The following IL34 variants were observed in gnomAD, a reference collection of about 807,000 sequenced individuals.
IL34 encodes interleukin-34.
Under a neutral mutation model 25.3 loss-of-function variants are expected in IL34, and 17 were observed. That is an observed-to-expected ratio of 0.67 (90% CI 0.46 to 1.01). IL34 has a LOEUF of 1.01. Among genes scored for constraint, IL34 ranks in the 50% least tolerant of loss-of-function variants. IL34 has a pLI of 0.00. For synonymous variants in IL34, 174 were observed against 140.9 expected (o/e 1.23, Z -1.66); for missense variants, 368 against 312.9 (o/e 1.18, Z -1.33).
intron 1 of IL34, among the ~76,000 whole-genome samples, chr16:70,653,224 G>C (rs2052124546): frequency 6.6e-6 from 1 of 151,688 alleles, no homozygotes; most frequent in African/African-American, 2.4e-5. Context: ...AAAAGAAAAA[G>C]CTGGGAAGCT....
At position 70,624,233 on chromosome 16, in the gene IL34, C is replaced by T. The variant is rs201148166; in HGVS notation, c.-400-22315C>T. On this transcript the variant is annotated intron_variant, in intron 1 of 6. Transcript: ENST00000429149. Reference sequence around the variant, plus strand: ...TTCCTTGGCCCAGTGGCCAGATTTCCGGCACGTGTAGCAAGCTCCTGGGGA... The same window carrying T: ...TTCCTTGGCCCAGTGGCCAGATTTCTGGCACGTGTAGCAAGCTCCTGGGGA... Among the ~76,000 whole-genome samples the T allele has an allele frequency of 1.4e-4, 22 of 151,980 alleles. 1 individual carries two copies. The highest frequency in any genetic ancestry group is 1.4e-3 in the East Asian group (7 of 5,178).
intron 1 of IL34, among the ~76,000 whole-genome samples, chr16:70,581,556 C>T (rs2050636350): frequency 6.6e-6 from 1 of 152,048 alleles, no homozygotes; most frequent in African/African-American, 2.4e-5. Context: ...ATGAGAATTA[C>T]GGGACTAATT....
chr16:70,658,746 C>T (rs538723303), intron 4 of IL34, among the ~76,000 whole-genome samples: 4 of 152,302 alleles, frequency 2.6e-5, no homozygotes, highest in South Asian at 2.1e-4. Context: ...GCTGGGATTA[C>T]AGGTTGAACC....
At chr16:70,648,205 G>C (rs2051988680) in intron 1 of IL34, among the ~76,000 whole-genome samples, 1 of 152,226 alleles carries the variant, frequency 6.6e-6, no homozygotes, top group Admixed American at 6.5e-5. Context: ...AGGAGTTACT[G>C]CTGTCACCGT....
chr16:70,637,997 G>A (rs767893559), intron 1 of IL34, among the ~76,000 whole-genome samples: 15 of 152,132 alleles, frequency 9.9e-5, no homozygotes, highest in Non-Finnish European at 1.6e-4. Flanking sequence ...GTAAACAGCA[G>A]TGCAATGGAT....
At chr16:70,653,346 CAAAAA>C (rs200626111) in intron 1 of IL34, among the ~76,000 whole-genome samples, 5 of 86,872 alleles carry the variant, frequency 5.8e-5, no homozygotes, top group Non-Finnish European at 1.1e-4. Context: ...AACCCTGTCT[CAAAAA>C]AAAAAAAAAA....
intron 1 of IL34, among the ~76,000 whole-genome samples, chr16:70,623,603 C>T (rs1485954743): frequency 6.6e-6 from 1 of 151,712 alleles, no homozygotes; most frequent in Non-Finnish European, 1.5e-5. Context: ...TGATCAGTCG[C>T]CAAGGAGGGA....
At position 70,656,645 on chromosome 16, in the gene IL34, A is replaced by AG; in HGVS notation, c.211dup (p.Val71GlyfsTer33). On this transcript the variant is annotated frameshift_variant, in exon 3 of 6. Coordinates refer to ENST00000288098, the MANE Select transcript of IL34 (RefSeq NM_001393494.1). LOFTEE classifies it high-confidence loss of function. ...AACTACAAGATCAGTGTGCCTTACG[A>AG]GGGGGTGTTCAGAATCGCCAACGTC... The AG allele has an allele frequency of 3.4e-6, 5 of 1,473,848 alleles. No homozygotes were observed. Among genetic ancestry groups the AG allele is most frequent in the Non-Finnish European group, 4.8e-6 (5 of 1,051,910 alleles). 91.3% of individuals were successfully genotyped at this position (1,473,848 alleles called of 1,614,324 possible). A position where few individuals can be genotyped will look rare whatever the true frequency, so the allele number is the denominator to read the frequency against.
rs931578543 is a variant in IL34, at chr16:70,660,330, T to G, written c.*143T>G. The G allele has an allele frequency of 1.4e-6, 1 of 716,914 alleles. No homozygotes were observed. The highest frequency in any genetic ancestry group is 1.8e-5 in the African/African-American group (1 of 55,418). 44.4% of individuals were successfully genotyped at this position (716,914 alleles called of 1,614,324 possible). Reference sequence around the variant, plus strand: ...AAGGGTGTTTTTCCTTTGAGGGGGATTCTGTGCCACAGCAGGGCTCAGCTT... The same window carrying G: ...AAGGGTGTTTTTCCTTTGAGGGGGAGTCTGTGCCACAGCAGGGCTCAGCTT... On this transcript the variant is annotated 3_prime_UTR_variant, in exon 6 of 6. Coordinates refer to ENST00000288098, the MANE Select transcript of IL34 (RefSeq NM_001393494.1).
chr16:70,601,575 T>C (rs1049269307), intron 1 of IL34, among the ~76,000 whole-genome samples: 12 of 152,144 alleles, frequency 7.9e-5, no homozygotes, highest in African/African-American at 2.7e-4. Flanking sequence ...TTTTTTTGTA[T>C]GTTTAGTAGA....
Position 70,631,064 on chromosome 16 carries a change from T to C in IL34, c.-400-15484T>C, listed in dbSNP as rs537185028. 1.0e-3 allele frequency among the ~76,000 whole-genome samples: 155 copies of C among 152,330 alleles called. 3 individuals carry two copies. The South Asian group carries it at 0.031, about 30-fold the overall frequency. On this transcript the variant is annotated intron_variant, in intron 1 of 6. Coordinates refer to the IL34 transcript ENST00000429149. ...CCTAAACTACATTTTCAATTTGTGGTTGGTTGAAACTGAAGATGCAAAATC... is the reference window on the plus strand; with the variant it reads ...CCTAAACTACATTTTCAATTTGTGGCTGGTTGAAACTGAAGATGCAAAATC...
Position 70,619,860 on chromosome 16 carries a change from G to A in IL34, c.-400-26688G>A, listed in dbSNP as rs947254738. ...CAGTGGGGTCCCACACAGATGGGAC[G>A]CGGCTTAGGAGGAATCCCGGGCTGC... On this transcript the variant is annotated intron_variant, in intron 1 of 6. Transcript: ENST00000429149. Among the ~76,000 whole-genome samples the A allele has an allele frequency of 1.4e-4, 21 of 152,310 alleles. No individual in the cohort carries two copies. The South Asian group carries it at 1.9e-3, about 14-fold the overall frequency.
intron 1 of IL34, among the ~76,000 whole-genome samples, chr16:70,613,425 C>A (rs563232395): frequency 9.2e-5 from 14 of 152,172 alleles, no homozygotes; most frequent in Non-Finnish European, 1.6e-4. Context: ...TGGTCTCCAC[C>A]CTTACTGTAC....
At chr16:70,610,679 T>C (rs1022743099) in intron 1 of IL34, among the ~76,000 whole-genome samples, 2 of 152,176 alleles carry the variant, frequency 1.3e-5, no homozygotes, top group Admixed American at 6.5e-5. Context: ...AAGGCATCTC[T>C]ACGGAGGTGA....
At chr16:70,599,695 G>A (rs796505860) in intron 1 of IL34, among the ~76,000 whole-genome samples, 1 of 144,754 alleles carries the variant, frequency 6.9e-6, no homozygotes, top group Non-Finnish European at 1.5e-5. Flanking sequence ...TTTTTTTGGA[G>A]ACAGGGTCTT....
Position 70,651,907 on chromosome 16 carries a change from C to T in IL34, c.29-2631C>T, listed in dbSNP as rs144807332. 6.6e-5 allele frequency among the ~76,000 whole-genome samples: 10 copies of T among 151,916 alleles called. No homozygotes were observed. The East Asian group carries it at 1.9e-3, about 29-fold the overall frequency. On this transcript the variant is annotated intron_variant, in intron 1 of 5. Coordinates refer to ENST00000288098, the MANE Select transcript of IL34 (RefSeq NM_001393494.1). ...TTGGGAGGCTGAGGTGGGTGGATCA[C>T]GAGGTCAGCAGTTCAAGAGCAGCCT... is the stretch of plus-strand genomic sequence containing the variant.
At chr16:70,590,024 G>A (rs1228413441) in intron 1 of IL34, among the ~76,000 whole-genome samples, 1 of 152,222 alleles carries the variant, frequency 6.6e-6, no homozygotes, top group Non-Finnish European at 1.5e-5. Context: ...TTAGCCTCAG[G>A]TCTGTGGGAA....
chr16:70,610,672 G>C (rs2051077235), intron 1 of IL34, among the ~76,000 whole-genome samples: 1 of 152,230 alleles, frequency 6.6e-6, no homozygotes, highest in African/African-American at 2.4e-5. Flanking sequence ...GCCAGAGAAG[G>C]CATCTCTACG....
chr16:70,585,953 C>G (rs1207676468), intron 1 of IL34, among the ~76,000 whole-genome samples: 1 of 151,768 alleles, frequency 6.6e-6, no homozygotes, highest in African/African-American at 2.4e-5. Flanking sequence ...CCTGCCTCAG[C>G]CTCCCAAGTA....
Sources: allele counts gnomAD v4.1 joint callset (sites outside exome capture counted in the v4.1 genomes callset), GRCh38; gene constraint gnomAD v4.1.1; transcripts MANE v1.5; gene names NCBI Gene and HGNC (gene_info 2026-07-23, HGNC 2026-07-21).